The following FANCI variants were observed in gnomAD, a reference collection of about 807,000 sequenced individuals.
The protein encoded by FANCI is FA complementation group I.
A neutral mutation model predicts 176.1 loss-of-function variants in FANCI; 156 were observed. The ratio of observed to expected loss-of-function variants is 0.89; its 90% CI spans 0.78 to 1.01. The LOEUF is 1.01. FANCI is among the 50% of genes least tolerant of loss of function. The probability of loss-of-function intolerance (pLI) is 0.00; values close to 1 mark genes in which losing one functional copy is unlikely to be tolerated. For synonymous variants in FANCI, 613 were observed against 541.7 expected, an observed-to-expected ratio of 1.13 and a Z score of -1.83; for missense variants, 1,678 against 1,534.1, an observed-to-expected ratio of 1.09 and a Z score of -1.57.
chr15:89,306,285 G>A (rs932377333), intron 32 of FANCI, 91 bp downstream of exon 32: 1 of 1,322,412 alleles, frequency 7.6e-7, no homozygotes. Flanking sequence ...GCTGCAGAAT[G>A]CCCCTAAACA....
At chr15:89,288,486 A>C (rs1167373790) in intron 18 of FANCI, among the ~76,000 whole-genome samples, 7 of 152,168 alleles carry the variant, frequency 4.6e-5, no homozygotes, top group African/African-American at 1.7e-4. Flanking sequence ...TGTAGTGATA[A>C]AACTTGTCAT....
chr15:89,248,621 T>C (rs1297909364), intron 2 of FANCI, among the ~76,000 whole-genome samples: 2 of 152,166 alleles, frequency 1.3e-5, no homozygotes, highest in Admixed American at 1.3e-4. Context: ...ATAGACAAGA[T>C]TTGATTGAAA....
intron 34 of FANCI, among the ~76,000 whole-genome samples, chr15:89,310,516 C>T (rs2054912786): frequency 6.6e-6 from 1 of 152,196 alleles, no homozygotes; most frequent in Non-Finnish European, 1.5e-5. Flanking sequence ...AGGCATTTTC[C>T]TCCTCCTCCA....
intron 18 of FANCI, among the ~76,000 whole-genome samples, chr15:89,288,619 A>G (rs1199563948): frequency 7.6e-6 from 1 of 130,796 alleles, no homozygotes; most frequent in Non-Finnish European, 1.7e-5. Context: ...GTCTTCTATT[A>G]CTTTTTTTTT....
At chr15:89,276,937 T>TC (rs1567154155) in intron 13 of FANCI, 46 bp downstream of exon 13, 1 of 1,601,608 alleles carries the variant, frequency 6.2e-7, no homozygotes. Context: ...GTTTAAATAA[T>TC]CCAAGTAGGG....
intron 9 of FANCI, among the ~76,000 whole-genome samples, chr15:89,267,910 G>C (rs2053037633): frequency 5.3e-5 from 8 of 152,170 alleles, no homozygotes. Context: ...CTGAGTGACA[G>C]AGCGAGACCC....
chr15:89,312,333 T>C (rs1013580558), intron 34 of FANCI, among the ~76,000 whole-genome samples: 3 of 152,186 alleles, frequency 2.0e-5, no homozygotes, highest in African/African-American at 7.2e-5. Context: ...ACTGCAGTAA[T>C]AGTCCTGCCT....
At chr15:89,296,971 A>ACCC (rs575310390) in intron 24 of FANCI, among the ~76,000 whole-genome samples, 48 of 96,880 alleles carry the variant, frequency 5.0e-4, no homozygotes, top group East Asian at 2.2e-3. Flanking sequence ...CGGGGGGCTG[A>ACCC]CCCCCCCCAC....
At chr15:89,305,539 C>G in intron 30 of FANCI, 66 bp from the exon 31 acceptor site, 3 of 1,601,950 alleles carry the variant, frequency 1.9e-6, no homozygotes, top group East Asian at 2.2e-5. Flanking sequence ...GGCCAGGTGA[C>G]CACAGTTATT....
chr15:89,265,951 TTTAG>T lies in FANCI; in HGVS notation c.755+1351_755+1354del, dbSNP rs200972253. 7.2e-3 allele frequency among the ~76,000 whole-genome samples: 1,095 copies of T among 152,186 alleles called. 7 individuals carry two copies. The highest frequency in any genetic ancestry group is 0.025 in the African/African-American group (1,017 of 41,506). ...GATATGGAAATCGAGAGACAAAGAATTTAGTTAGTTTGGCTTGAGCAATTTATTA... is the reference window on the plus strand; with the variant it reads ...GATATGGAAATCGAGAGACAAAGAATTTAGTTTGGCTTGAGCAATTTATTA... On this transcript the variant is annotated intron_variant, in intron 9 of 37. Coordinates refer to ENST00000310775, the MANE Select transcript of FANCI (RefSeq NM_001113378.2).
chr15:89,306,449 T>C (rs535639318), intron 32 of FANCI, among the ~76,000 whole-genome samples: 1 of 152,234 alleles, frequency 6.6e-6, no homozygotes, highest in African/African-American at 2.4e-5. Flanking sequence ...CCCAGCACTT[T>C]GGTAGGCTGA....
chr15:89,269,288 T>G (rs867837665), intron 10 of FANCI, among the ~76,000 whole-genome samples: 5 of 152,224 alleles, frequency 3.3e-5, no homozygotes, highest in Non-Finnish European at 7.3e-5. Flanking sequence ...AAGGACACAT[T>G]ATCACAATAC....
chr15:89,285,335 A>C, intron 18 of FANCI, 117 bp downstream of exon 18: 1 of 1,361,426 alleles, frequency 7.3e-7, no homozygotes, highest in East Asian at 2.5e-5. Context: ...TGTAGTCAGC[A>C]CCAGTAGCTA....
Position 89,316,578 on chromosome 15 carries a change from G to A in FANCI, c.*119G>A. ...TTGGCATCTTGGTTCTGAACCCACT[G>A]AATTCAACTGCACCTTCAGTTAGAA... On this transcript the variant is annotated 3_prime_UTR_variant, in exon 38 of 38. Coordinates refer to ENST00000310775, the MANE Select transcript of FANCI (RefSeq NM_001113378.2). 8.7e-7 allele frequency: 1 copy of A among 1,145,444 alleles called. No individual in the cohort carries two copies. The highest frequency in any genetic ancestry group is 1.3e-6 in the Non-Finnish European group (1 of 773,906). The allele number at this position is 1,145,444 out of a possible 1,614,324, so 71.0% of individuals were successfully genotyped here.
intron 11 of FANCI, among the ~76,000 whole-genome samples, 173 bp from the exon 12 acceptor site, chr15:89,273,995 A>T (rs1297038152): frequency 6.6e-6 from 1 of 152,194 alleles, no homozygotes; most frequent in East Asian, 1.9e-4. Context: ...TCTAGTTAAA[A>T]TAGTTGTCAT....
At position 89,290,212 on chromosome 15, in the gene FANCI, G is replaced by A. The variant is rs2054008482; in HGVS notation, c.1822-1G>A. 6.2e-7 allele frequency: 1 copy of A among 1,612,484 alleles called. No homozygotes were observed. The highest frequency in any genetic ancestry group is 8.5e-7 in the Non-Finnish European group (1 of 1,178,570). ...TATTTCTTCTCTTTGATTCCTCTTA[G>A]GGGTTTTATGATGTTCTTCGAAGGA... On this transcript the variant is annotated splice_acceptor_variant, in intron 18 of 37. Transcript: ENST00000310775. LOFTEE classifies it high-confidence loss of function.
rs773062595 is a variant in FANCI, at chr15:89,316,739, C to T, written c.*280C>T. ...AGCTCCACGGGAGCAAATACAGAGCCTCCAGGCAGTGCTATGGTCCAGGCT... is the reference window on the plus strand; with the variant it reads ...AGCTCCACGGGAGCAAATACAGAGCTTCCAGGCAGTGCTATGGTCCAGGCT... On this transcript the variant is annotated 3_prime_UTR_variant, in exon 38 of 38. Transcript: ENST00000310775. 5.0e-6 allele frequency: 8 copies of T among 1,604,896 alleles called. No homozygotes were observed. The Admixed American group carries it at 1.3e-4, about 27-fold the overall frequency.
At chr15:89,253,397 C>G (rs2052346544) in intron 2 of FANCI, among the ~76,000 whole-genome samples, 1 of 151,878 alleles carries the variant, frequency 6.6e-6, no homozygotes, top group South Asian at 2.1e-4. Context: ...CCCTGTAATC[C>G]CAGCACTTTG....
Position 89,285,088 on chromosome 15 carries a change from C to T in FANCI, c.1699-8C>T. 6.2e-7 allele frequency: 1 copy of T among 1,613,980 alleles called. No homozygotes were observed. The highest frequency in any genetic ancestry group is 1.3e-5 in the African/African-American group (1 of 75,022). On this transcript the variant is annotated splice_region_variant and splice_polypyrimidine_tract_variant and intron_variant, in intron 17 of 37. Coordinates refer to ENST00000310775, the MANE Select transcript of FANCI (RefSeq NM_001113378.2). ...AGATAGACGTGAATTGGCCTGTCTT[C>T]CTTTCAGGTTCATGTGGATGTTCAC...
Sources: gnomAD v4.1 joint callset for allele counts (sites outside exome capture counted in the v4.1 genomes callset) on GRCh38, gnomAD v4.1.1 for gene constraint, MANE v1.5 for transcripts, NCBI Gene and HGNC (gene_info 2026-07-23, HGNC 2026-07-21) for gene names.